The following GATAD1 variants were observed in gnomAD, a reference collection of about 807,000 sequenced individuals.
GATAD1 encodes the protein GATA zinc finger domain-containing protein 1.
GATAD1 carries 12 observed loss-of-function variants against 26.5 expected under a neutral mutation model. The observed-to-expected ratio is 0.45, with a 90% CI of 0.29 to 0.73. GATAD1 has a LOEUF of 0.73. Ranked by LOEUF, GATAD1 falls within the 30% of genes least tolerant of loss-of-function variation. The pLI is 0.10. For missense variants in GATAD1, 266 were observed against 342.1 expected (o/e 0.78, Z 1.75); for synonymous variants, 129 against 133.1 (o/e 0.97, Z 0.21).
the GATAD1 span, among the ~76,000 whole-genome samples, chr7:92,483,491 A>G: frequency 2.6e-5 from 4 of 152,288 alleles, no homozygotes; most frequent in East Asian, 7.7e-4. Context: ...AGCTTTATTT[A>G]ATGTTGGGAG....
the GATAD1 span, among the ~76,000 whole-genome samples, chr7:92,495,229 C>T: frequency 9.2e-5 from 14 of 151,952 alleles, no homozygotes; most frequent in African/African-American, 3.1e-4. Flanking sequence ...AATTTTAATT[C>T]AAAATAAGTG....
chr7:92,463,058 G>A (rs1032016884), downstream of GATAD1: 6 of 152,202 alleles, frequency 3.9e-5, no homozygotes, highest in South Asian at 4.1e-4. Flanking sequence ...TTATTCAGCC[G>A]TAGAAGGAAT....
chr7:92,454,534 T>C lies in GATAD1; in HGVS notation c.468T>C (p.Ser156=), dbSNP rs781323574. 9.9e-6 allele frequency: 16 copies of C among 1,612,774 alleles called. No individual in the cohort carries two copies. Among genetic ancestry groups the C allele is most frequent in the Admixed American group, 1.7e-5 (1 of 60,016 alleles). Residue 156 remains serine, a synonymous_variant, in exon 4 of 5, where the codon TCT becomes TCC. Transcript: ENST00000287957. ...ATTACCAAATTGGTGATGTTGTTTC[T>C]GTGATTGATGAACAAGATGGAAAGC... ...GVYYQIGDVV[S]VIDEQDGKPY...
At chr7:92,451,576 A>G (rs1789431836) in intron 3 of GATAD1, among the ~76,000 whole-genome samples, 1 of 152,170 alleles carries the variant, frequency 6.6e-6, no homozygotes, top group South Asian at 2.1e-4. Context: ...TAAGCCCACA[A>G]TCTATATAGT....
the GATAD1 span, among the ~76,000 whole-genome samples, chr7:92,478,914 C>A: frequency 1.3e-5 from 2 of 152,178 alleles, no homozygotes; most frequent in Non-Finnish European, 1.5e-5. Context: ...TCATGGCAAC[C>A]CACATTTGCA....
rs1194675736 is a variant in GATAD1 at position 92,459,903 on chromosome 7, T to A, written c.*3341T>A. On this transcript the variant is annotated 3_prime_UTR_variant, in exon 5 of 5. Coordinates refer to ENST00000287957, the MANE Select transcript of GATAD1 (RefSeq NM_021167.5). ...TTTAGTTATTAATTCATATTAACTT[T>A]GGCTGAAACTTTTAAATTCTATTGT... Among the ~76,000 whole-genome samples, 1 of 152,264 alleles carries A rather than the reference T, an allele frequency of 6.6e-6. No individual in the cohort carries two copies. Among genetic ancestry groups the A allele is most frequent in the Non-Finnish European group, 1.5e-5 (1 of 68,048 alleles).
chr7:92,450,631 A>G, intron 2 of GATAD1, 70 bp from the exon 3 acceptor site: 2 of 972,522 alleles, frequency 2.1e-6, no homozygotes, highest in South Asian at 1.3e-5. Flanking sequence ...CAGAACTCTC[A>G]TAGGGCTGGG....
At chr7:92,469,166 A>G in the GATAD1 span, 8 of 709,992 alleles carry the variant, frequency 1.1e-5, no homozygotes, top group Non-Finnish European at 2.1e-5. Flanking sequence ...TTAACATAAT[A>G]ACAGCATTCT....
At chr7:92,468,434 A>T in the GATAD1 span, 1 of 198,964 alleles carries the variant, frequency 5.0e-6, no homozygotes, top group Non-Finnish European at 1.0e-5. Context: ...CTCCCATACA[A>T]AGGGAGGGGA....
At chr7:92,486,035 T>C in the GATAD1 span, among the ~76,000 whole-genome samples, 1 of 152,214 alleles carries the variant, frequency 6.6e-6, no homozygotes, top group Non-Finnish European at 1.5e-5. Context: ...ATCGGCTGTC[T>C]TTTCCAGCCA....
At chr7:92,478,994 A>G in the GATAD1 span, among the ~76,000 whole-genome samples, 1 of 152,132 alleles carries the variant, frequency 6.6e-6, no homozygotes, top group Non-Finnish European at 1.5e-5. Flanking sequence ...GGTCAACCCA[A>G]TCCCCTGGGC....
chr7:92,451,017 A>G (rs1789407241), intron 3 of GATAD1, among the ~76,000 whole-genome samples: 1 of 151,150 alleles, frequency 6.6e-6, no homozygotes. Flanking sequence ...TGTAGATTGT[A>G]GGAATTATTC....
chr7:92,476,642 A>G, the GATAD1 span, among the ~76,000 whole-genome samples: 4 of 146,242 alleles, frequency 2.7e-5, no homozygotes, highest in African/African-American at 1.0e-4. Context: ...TGTCTCTCTC[A>G]CTGTCTCTCT....
the GATAD1 span, among the ~76,000 whole-genome samples, chr7:92,485,197 T>C: frequency 6.6e-6 from 1 of 152,186 alleles, no homozygotes; most frequent in African/African-American, 2.4e-5. Context: ...TGTGATTCTT[T>C]GGTTACTTCA....
At chr7:92,468,184 C>T in the GATAD1 span, among the ~76,000 whole-genome samples, 1 of 152,188 alleles carries the variant, frequency 6.6e-6, no homozygotes, top group South Asian at 2.1e-4. Context: ...AGGCACTTAG[C>T]CATGCAGGAA....
chr7:92,460,639 TGGAA>T (rs1397356009), downstream of GATAD1, among the ~76,000 whole-genome samples: 1 of 151,968 alleles, frequency 6.6e-6, no homozygotes, highest in Non-Finnish European at 1.5e-5. Flanking sequence ...TTATAAAAGA[TGGAA>T]GGAGCCCAGG....
At chr7:92,448,272 C>T (rs1789256668) in intron 1 of GATAD1, among the ~76,000 whole-genome samples, 1 of 152,212 alleles carries the variant, frequency 6.6e-6, no homozygotes, top group African/African-American at 2.4e-5. Flanking sequence ...GGCGCTGGAC[C>T]TCATTCCTTG....
the GATAD1 span, chr7:92,469,802 A>G: frequency 1.3e-6 from 1 of 767,028 alleles, no homozygotes; most frequent in Non-Finnish European, 2.4e-6. Flanking sequence ...TATGGCCTGA[A>G]GTTCAGGGGG....
chr7:92,455,622 A>G (rs1417339701), intron 4 of GATAD1, among the ~76,000 whole-genome samples: 1 of 152,216 alleles, frequency 6.6e-6, no homozygotes, highest in East Asian at 1.9e-4. Context: ...CAGACTTTTT[A>G]TCTTTCTGCA....
Sources: gnomAD v4.1 joint callset for allele counts (sites outside exome capture counted in the v4.1 genomes callset) on GRCh38, gnomAD v4.1.1 for gene constraint, MANE v1.5 for transcripts, NCBI Gene and HGNC (gene_info 2026-07-23, HGNC 2026-07-21) for gene names.